MNAT1: variants seen among roughly 807,000 people sequenced by gnomAD.
MNAT1 encodes the protein CDK-activating kinase assembly factor MAT1.
In MNAT1, 43 loss-of-function variants were observed where a neutral mutation model predicts 42.0. The observed-to-expected ratio is 1.02, with a 90% CI of 0.80 to 1.32. The LOEUF (loss-of-function observed/expected upper bound fraction) is 1.32. Ranked by LOEUF, MNAT1 falls within the 40% of genes most tolerant of loss-of-function variation. The pLI is 0.00. For missense variants in MNAT1, 306 were observed against 350.4 expected, an observed-to-expected ratio of 0.87 and a Z score of 1.01; for synonymous variants, 118 against 120.0, an observed-to-expected ratio of 0.98 and a Z score of 0.11.
chr14:60,934,157 A>G (rs2035943975), intron 7 of MNAT1, among the ~76,000 whole-genome samples: 1 of 152,232 alleles, frequency 6.6e-6, no homozygotes, highest in African/African-American at 2.4e-5. Context: ...TTACTGGGCA[A>G]GTGTTCTTCC....
chr14:60,743,054 T>G (rs901218293), intron 1 of MNAT1, among the ~76,000 whole-genome samples: 1 of 152,208 alleles, frequency 6.6e-6, no homozygotes, highest in African/African-American at 2.4e-5. Flanking sequence ...TTTGTTTAGT[T>G]TGTTTTCCAA....
intron 7 of MNAT1, among the ~76,000 whole-genome samples, chr14:60,946,102 G>C (rs1217433525): frequency 6.6e-6 from 1 of 152,056 alleles, no homozygotes; most frequent in Non-Finnish European, 1.5e-5. Context: ...TTCAACTCAG[G>C]GATATTAGAC....
chr14:60,937,461 C>T (rs1347567451), intron 7 of MNAT1, among the ~76,000 whole-genome samples: 1 of 152,182 alleles, frequency 6.6e-6, no homozygotes, highest in African/African-American at 2.4e-5. Flanking sequence ...CCAGTTTTCT[C>T]AGCACCATTT....
In MNAT1 at chr14:60,913,297, T is replaced by G. The variant is rs149499179; in HGVS notation, c.809+33462T>G. ...ACTTCCTCCTTTAGCTCGGAGTAGT[T>G]TGATCTTCTGAAGCCTTCCTCTCTC... On this transcript the variant is annotated intron_variant, in intron 7 of 7. Transcript: ENST00000261245. Among the ~76,000 whole-genome samples the G allele has an allele frequency of 1.3e-3, 197 of 152,312 alleles. 1 individual carries two copies. Among genetic ancestry groups the G allele is most frequent in the Non-Finnish European group, 2.3e-3 (159 of 68,022 alleles).
rs186761017 is a variant in MNAT1, at chr14:60,940,448, C to T, written c.810-27781C>T. ...TTGTTGTTGTTTTGAGACGGATTTTCGCTCTGTTGCCCAGGCTAGAGTGCA... is the reference window on the plus strand; with the variant it reads ...TTGTTGTTGTTTTGAGACGGATTTTTGCTCTGTTGCCCAGGCTAGAGTGCA... On this transcript the variant is annotated intron_variant, in intron 7 of 7. Transcript: ENST00000261245. Among the ~76,000 whole-genome samples, 232 of 152,292 alleles carry T rather than the reference C, an allele frequency of 1.5e-3. 1 individual carries two copies. Among genetic ancestry groups the T allele is most frequent in the Admixed American group, 2.7e-3 (42 of 15,300 alleles).
chr14:60,959,904 G>T, intron 7 of MNAT1, among the ~76,000 whole-genome samples: 1 of 142,768 alleles, frequency 7.0e-6, no homozygotes. Context: ...ATATTCTTAT[G>T]TAACTTGGTT....
chr14:60,764,071 G>A lies in MNAT1; in HGVS notation c.89+29120G>A, dbSNP rs145494974. Among the ~76,000 whole-genome samples the A allele has an allele frequency of 1.9e-3, 291 of 152,220 alleles. 1 individual carries two copies. The highest frequency in any genetic ancestry group is 6.4e-3 in the African/African-American group (265 of 41,542). ...CCTAGCATGGAAAATAGTTGATTTT[G>A]CTAGCTATACACAGTACTGTCTTTT... On this transcript the variant is annotated intron_variant, in intron 1 of 7. Transcript: ENST00000261245.
At chr14:60,909,039 A>C (rs527725515) in intron 7 of MNAT1, among the ~76,000 whole-genome samples, 6 of 152,118 alleles carry the variant, frequency 3.9e-5, no homozygotes, top group Admixed American at 2.6e-4. Context: ...ATGGTATCTC[A>C]TTGTGGTTTT....
chr14:60,870,581 A>C (rs540037945), intron 6 of MNAT1, among the ~76,000 whole-genome samples: 8 of 152,136 alleles, frequency 5.3e-5, no homozygotes, highest in African/African-American at 1.4e-4. Context: ...TATTCTTGTG[A>C]CCTTGCCTGT....
Position 60,746,930 on chromosome 14 carries a change from A to G in MNAT1, c.89+11979A>G, listed in dbSNP as rs1471118508. ...TATATATATATATATATATACACAC[A>G]CACACACACACACACACACACACAC... On this transcript the variant is annotated intron_variant, in intron 1 of 7. Transcript: ENST00000261245. Among the ~76,000 whole-genome samples the G allele has an allele frequency of 4.0e-4, 2 of 5,030 alleles. 1 individual carries two copies. The highest frequency in any genetic ancestry group is 6.2e-4 in the African/African-American group (2 of 3,250). 3.3% of individuals were successfully genotyped at this position (5,030 alleles called of 152,430 possible).
At chr14:60,798,831 G>A (rs2032105499) in intron 3 of MNAT1, among the ~76,000 whole-genome samples, 2 of 152,114 alleles carry the variant, frequency 1.3e-5, no homozygotes, top group Admixed American at 1.3e-4. Context: ...ATTACTAAGT[G>A]CGGGTTTGGA....
chr14:60,836,264 A>G (rs775640305), intron 6 of MNAT1, among the ~76,000 whole-genome samples: 1 of 152,012 alleles, frequency 6.6e-6, no homozygotes, highest in Admixed American at 6.6e-5. Flanking sequence ...TTCTCTGTCC[A>G]GTTTGTTCCC....
intron 7 of MNAT1, among the ~76,000 whole-genome samples, chr14:60,943,049 TGCG>T (rs2036207112): frequency 4.4e-5 from 3 of 68,284 alleles, no homozygotes; most frequent in Admixed American, 1.9e-4. Flanking sequence ...TGTGTGTGTG[TGCG>T]CTTTTTTTTT....
At chr14:60,884,629 T>G (rs111457567) in intron 7 of MNAT1, among the ~76,000 whole-genome samples, 8 of 152,226 alleles carry the variant, frequency 5.3e-5, no homozygotes, top group African/African-American at 1.7e-4. Flanking sequence ...TTTAACTTTT[T>G]GTTGTTCTAT....
intron 7 of MNAT1, among the ~76,000 whole-genome samples, chr14:60,944,975 T>C (rs531732629): frequency 3.9e-5 from 6 of 152,150 alleles, no homozygotes; most frequent in Non-Finnish European, 8.8e-5. Context: ...GTAAATATGA[T>C]TATAGCAGTT....
At chr14:60,755,781 A>C (rs188863246) in intron 1 of MNAT1, among the ~76,000 whole-genome samples, 482 of 152,328 alleles carry the variant, frequency 3.2e-3, no homozygotes, top group Non-Finnish European at 5.1e-3. Context: ...TATACTGAAA[A>C]GACTTACCTT....
At chr14:60,910,440 A>G (rs529699697) in intron 7 of MNAT1, among the ~76,000 whole-genome samples, 278 of 152,294 alleles carry the variant, frequency 1.8e-3, no homozygotes, top group African/African-American at 6.5e-3. Flanking sequence ...TTGTCCATTC[A>G]GTATGATATT....
chr14:60,882,154 CAAACA>C (rs2034564903), intron 7 of MNAT1, among the ~76,000 whole-genome samples: 1 of 152,044 alleles, frequency 6.6e-6, no homozygotes, highest in African/African-American at 2.4e-5. Context: ...AAAACAAAAA[CAAACA>C]AAACAAAACC....
intron 6 of MNAT1, among the ~76,000 whole-genome samples, chr14:60,820,731 T>A (rs2032864806): frequency 6.6e-6 from 1 of 152,182 alleles, no homozygotes; most frequent in South Asian, 2.1e-4. Context: ...TTCATCTGTG[T>A]ACCCCATAAT....
Sources: allele counts gnomAD v4.1 joint callset (sites outside exome capture counted in the v4.1 genomes callset), GRCh38; gene constraint gnomAD v4.1.1; transcripts MANE v1.5; gene names NCBI Gene and HGNC (gene_info 2026-07-23, HGNC 2026-07-21).